TDRD1: variants seen among roughly 807,000 people sequenced by gnomAD.
TDRD1 encodes the protein tudor domain containing 1.
A neutral mutation model predicts 140.6 loss-of-function variants in TDRD1; 37 were observed. The observed-to-expected ratio is 0.26, with a 90% CI of 0.20 to 0.35. The LOEUF (loss-of-function observed/expected upper bound fraction) is 0.35. Ranked by LOEUF, TDRD1 falls within the 10% of genes least tolerant of loss-of-function variation. TDRD1 has a pLI of 1.00. For synonymous variants in TDRD1, 506 were observed against 475.7 expected, an observed-to-expected ratio of 1.06 and a Z score of -0.83; for missense variants, 1,243 against 1,393.0, an observed-to-expected ratio of 0.89 and a Z score of 1.71.
At position 114,202,982 on chromosome 10, in the gene TDRD1, TTG is replaced by T. The variant is rs2034859723; in HGVS notation, c.697-87_697-86del. On this transcript the variant is annotated intron_variant, in intron 6 of 25. Transcript: ENST00000251864. ...TTGTTCAAGCCTAAGAGTTAGGATA[TTG>T]TGACTGCAGTTCCGACGTGTAGTGG... 2.2e-5 allele frequency: 18 copies of T among 816,860 alleles called. No homozygotes were observed. In the East Asian group the frequency reaches 4.5e-4, roughly 21 times the overall value. 50.6% of individuals were successfully genotyped at this position (816,860 alleles called of 1,614,324 possible).
exon 19 of TDRD1, chr10:114,220,767 T>C: frequency 1.2e-6 from 2 of 1,611,716 alleles, no homozygotes; most frequent in South Asian, 2.2e-5. Context: ...TAAAATCTGC[T>C]TCACCACATA....
upstream of TDRD1, among the ~76,000 whole-genome samples, chr10:114,175,396 T>C (rs1266781154): frequency 6.6e-6 from 1 of 152,072 alleles, no homozygotes; most frequent in African/African-American, 2.4e-5. Flanking sequence ...GAAATACAAA[T>C]ATAAACCAAA....
chr10:114,204,806 A>G, exon 10 of TDRD1: 1 of 1,607,730 alleles, frequency 6.2e-7, no homozygotes, highest in Non-Finnish European at 8.5e-7. Context: ...ACCACTGTTA[A>G]TGGAGCAGTA....
intron 25 of TDRD1, chr10:114,228,196 C>T: frequency 6.7e-7 from 1 of 1,490,260 alleles, no homozygotes; most frequent in Non-Finnish European, 8.9e-7. Flanking sequence ...GGCATATTGG[C>T]AGGATAGAGC....
At chr10:114,174,959 G>A (rs918655613), upstream of TDRD1, among the ~76,000 whole-genome samples, 5 of 152,204 alleles carry the variant, frequency 3.3e-5, no homozygotes, top group African/African-American at 1.2e-4. Flanking sequence ...ATGTTCTTTG[G>A]TTTAGGTCTT....
At chr10:114,183,467 C>T (rs1348837989) in intron 1 of TDRD1, among the ~76,000 whole-genome samples, 1 of 152,052 alleles carries the variant, frequency 6.6e-6, no homozygotes, top group African/African-American at 2.4e-5. Context: ...AAAAGATATC[C>T]TCATCAACCC....
In TDRD1 at chr10:114,217,818, G is replaced by A. The variant is rs2035906893; in HGVS notation, c.2323+163G>A. ...TGTTTTTCCTTCTCTTTGTAACAAG[G>A]AACTTACAAGTGATACTTTCTTGCC... is the stretch of plus-strand genomic sequence containing the variant. On this transcript the variant is annotated intron_variant, in intron 17 of 25. Transcript: ENST00000251864. 2.6e-5 allele frequency among the ~76,000 whole-genome samples: 4 copies of A among 152,108 alleles called. No homozygotes were observed. In the South Asian group the frequency reaches 8.3e-4, roughly 32 times the overall value.
Position 114,227,919 on chromosome 10 carries a change from A to G in TDRD1, c.3413A>G (p.Tyr1138Cys), listed in dbSNP as rs34112549. Reference sequence around the variant, plus strand: ...TTTCTTGTGCTTTTAGAAAAGATGTATAGGATGAATTGCTGCTGCACAGAG... The same window carrying G: ...TTTCTTGTGCTTTTAGAAAAGATGTGTAGGATGAATTGCTGCTGCACAGAG... Residue 1138 changes from tyrosine (Y) to cysteine (C), a missense_variant, in exon 24 of 26, where the codon TAT becomes TGT. Physicochemically the swap from Tyr to Cys is radical, Grantham distance 194. Transcript: ENST00000251864. The G allele has an allele frequency of 2.0e-3, 3,242 of 1,613,560 alleles. 72 individuals carry two copies. The African/African-American group carries it at 0.039, about 20-fold the overall frequency.
chr10:114,181,934 A>G (rs1335097687), intron 1 of TDRD1, among the ~76,000 whole-genome samples: 1 of 152,212 alleles, frequency 6.6e-6, no homozygotes, highest in Non-Finnish European at 1.5e-5. Flanking sequence ...TTACATTCAT[A>G]GAACTGTAAA....
At chr10:114,211,772 T>C (rs2035499869) in intron 13 of TDRD1, 94 bp from the exon 14 acceptor site, 4 of 1,266,448 alleles carry the variant, frequency 3.2e-6, no homozygotes, top group Non-Finnish European at 4.2e-6. Context: ...TAAAGAAAAA[T>C]CTATAAATGA....
chr10:114,229,815 A>T (rs775212769), intron 25 of TDRD1, among the ~76,000 whole-genome samples: 25 of 138,678 alleles, frequency 1.8e-4, no homozygotes, highest in African/African-American at 3.7e-4. Context: ...ATATATATAT[A>T]TATTTTTTTT....
intron 8 of TDRD1, 51 bp downstream of exon 8, chr10:114,203,618 G>A (rs746754194): frequency 5.7e-5 from 86 of 1,502,006 alleles, no homozygotes; most frequent in South Asian, 1.3e-4. Flanking sequence ...AACTTTGGTC[G>A]TATGAACTGA....
At chr10:114,198,283 CT>C (rs1447897798) in intron 3 of TDRD1, among the ~76,000 whole-genome samples, 1 of 152,194 alleles carries the variant, frequency 6.6e-6, no homozygotes, top group African/African-American at 2.4e-5. Context: ...AGTCTGGACT[CT>C]CCACTATGCC....
At chr10:114,176,540 A>G (rs2032700057), upstream of TDRD1, among the ~76,000 whole-genome samples, 1 of 152,218 alleles carries the variant, frequency 6.6e-6, no homozygotes, top group Admixed American at 6.5e-5. This position sits in a 1 kb window ranked among gnomAD's most constrained non-coding sequence, Gnocchi z 4.2. Flanking sequence ...AGCCTGGACA[A>G]CACAGTGGGA....
At chr10:114,219,839 G>C (rs1203862453) in intron 18 of TDRD1, among the ~76,000 whole-genome samples, 1 of 152,046 alleles carries the variant, frequency 6.6e-6, no homozygotes. Context: ...TGATCCACCT[G>C]CCTCCACCTC....
chr10:114,201,978 TTCTC>T (rs1458116146), intron 5 of TDRD1, among the ~76,000 whole-genome samples: 1 of 152,340 alleles, frequency 6.6e-6, no homozygotes, highest in Middle Eastern at 3.4e-3. Context: ...CTTGGAGATA[TTCTC>T]TCTGTCTGTC....
chr10:114,177,468 GA>G (rs1337142572), upstream of TDRD1, among the ~76,000 whole-genome samples: 1 of 152,098 alleles, frequency 6.6e-6, no homozygotes, highest in Admixed American at 6.5e-5. Context: ...CCTACCAGCA[GA>G]AAAACATCAG....
chr10:114,227,360 T>C (rs1216633868), intron 23 of TDRD1, 61 bp downstream of exon 23: 3 of 1,195,984 alleles, frequency 2.5e-6, no homozygotes, highest in Admixed American at 1.7e-5. Context: ...AGATAATCAA[T>C]TTAGTTGACT....
chr10:114,192,325 A>T (rs2034036862), intron 3 of TDRD1, among the ~76,000 whole-genome samples: 1 of 75,812 alleles, frequency 1.3e-5, no homozygotes, highest in African/African-American at 5.3e-5. Context: ...TTTTTTTGAG[A>T]CGGAGTCTTG....
Sources: gnomAD v4.1 joint callset for allele counts (sites outside exome capture counted in the v4.1 genomes callset) on GRCh38, gnomAD v4.1.1 for gene constraint, Gnocchi (gnomAD v3.1) non-coding constraint, MANE v1.5 for transcripts, NCBI Gene and HGNC (gene_info 2026-07-23, HGNC 2026-07-21) for gene names.